The following BRWD3 variants were observed in gnomAD, a reference collection of about 807,000 sequenced individuals.
The protein encoded by BRWD3 is bromodomain and WD repeat domain containing 3, also known as bromodomain and WD repeat-containing protein 3.
Under a neutral mutation model 149.7 loss-of-function variants are expected in BRWD3, and 10 were observed. That is an observed-to-expected ratio of 0.07 (90% confidence interval 0.04 to 0.11). The LOEUF (loss-of-function observed/expected upper bound fraction) is 0.11. BRWD3 is among the 10% of genes least tolerant of loss of function. The pLI, the probability that BRWD3 is intolerant of heterozygous loss-of-function variation, is 1.00. For missense variants in BRWD3, 940 were observed against 1,373.2 expected, an observed-to-expected ratio of 0.68 and a Z score of 4.99; for synonymous variants, 504 against 456.7, an observed-to-expected ratio of 1.10 and a Z score of -1.32.
At chrX:80,686,368 G>A (rs995182668) in intron 35 of BRWD3, among the ~76,000 whole-genome samples, 6 of 108,446 alleles carry the variant, frequency 5.5e-5, no homozygotes, top group Middle Eastern at 9.6e-3. Context: ...ATATGTATAC[G>A]TATGTAACAA....
intron 20 of BRWD3, among the ~76,000 whole-genome samples, chrX:80,712,473 T>C (rs2072989708): frequency 9.1e-6 from 1 of 110,409 alleles, no homozygotes; most frequent in African/African-American, 3.3e-5. Flanking sequence ...CAGGCTGGAG[T>C]GCAGTGGCGT....
At chrX:80,790,633 GA>G (rs907750667) in intron 6 of BRWD3, among the ~76,000 whole-genome samples, 7 of 108,403 alleles carry the variant, frequency 6.5e-5, no homozygotes, top group African/African-American at 1.3e-4. Flanking sequence ...TTAGTTAAAA[GA>G]AAAAAAAAGC....
At chrX:80,771,547 T>C (rs759673084) in intron 6 of BRWD3, among the ~76,000 whole-genome samples, 1 of 111,680 alleles carries the variant, frequency 9.0e-6, no homozygotes, top group Non-Finnish European at 1.9e-5. Context: ...TGGCTAGCCA[T>C]ATGTAGAAAG....
intron 21 of BRWD3, among the ~76,000 whole-genome samples, chrX:80,708,394 CT>C (rs749740989): frequency 0.044 from 2,343 of 53,324 alleles, 59 homozygotes; most frequent in African/African-American, 0.12. Flanking sequence ...AGACTCTTGT[CT>C]TTTTTTTTTT....
In BRWD3 at chrX:80,676,324, TTG is replaced by T. The variant is rs1350816832; in HGVS notation, c.*283_*284del. 4 of 322,214 alleles carry T rather than the reference TTG, an allele frequency of 1.2e-5. No homozygotes were observed. Among genetic ancestry groups the T allele is most frequent in the East Asian group, 4.9e-5 (1 of 20,477 alleles). 26.6% of individuals were successfully genotyped at this position (322,214 alleles called of 1,213,427 possible). ...ATGTAGTAAATCTGTAGTGTCTGTGTTGTGTTTCGTGTGTGTGTGTCTGTGTG... is the reference window on the plus strand; with the variant it reads ...ATGTAGTAAATCTGTAGTGTCTGTGTTGTTTCGTGTGTGTGTGTCTGTGTG... On this transcript the variant is annotated 3_prime_UTR_variant, in exon 41 of 41. Transcript: ENST00000373275.
chrX:80,717,622 C>A lies in BRWD3; in HGVS notation c.2182G>T (p.Ala728Ser), dbSNP rs1363802076. 2.5e-6 allele frequency: 3 copies of A among 1,211,728 alleles called. No homozygotes were observed. The highest frequency in any genetic ancestry group is 1.8e-5 in the South Asian group (1 of 57,016). Reference protein sequence around the residue: ...SQMATERDLMAWSRRVVVNEL... With the variant: ...SQMATERDLMSWSRRVVVNEL... ...TTGACCACCACTCTTCTGCTCCACG[C>A]CATGAGATCTCTTTCAGTGGCCATC... Residue 728 changes from alanine (A) to serine (S), a missense_variant, in exon 19 of 41, where the codon GCG becomes TCG. Ala to Ser is a moderately conservative substitution (Grantham distance 99, BLOSUM62 1). Around this residue, in one of 6 missense-constraint regions of BRWD3, gnomAD observed 103 missense variants for 103.2 expected, o/e 1.00. Transcript: ENST00000373275.
chrX:80,726,013 T>C (rs1309705092), intron 14 of BRWD3, among the ~76,000 whole-genome samples: 1 of 109,160 alleles, frequency 9.2e-6, no homozygotes, highest in Non-Finnish European at 1.9e-5. Context: ...TTACATGTTA[T>C]ATGTCTATAT....
chrX:80,794,526 A>T (rs1016411268), intron 4 of BRWD3, among the ~76,000 whole-genome samples: 8 of 109,080 alleles, frequency 7.3e-5, no homozygotes, highest in South Asian at 7.7e-4. Flanking sequence ...AATAAATAAA[A>T]AAATATATAT....
intron 10 of BRWD3, among the ~76,000 whole-genome samples, chrX:80,734,878 AG>A (rs1339844359): frequency 9.1e-6 from 1 of 110,117 alleles, no homozygotes; most frequent in African/African-American, 3.3e-5. Flanking sequence ...TATTTAGAGT[AG>A]GGGGTCTGTT....
intron 25 of BRWD3, among the ~76,000 whole-genome samples, chrX:80,698,470 AG>A (rs2072733791): frequency 9.0e-6 from 1 of 111,291 alleles, no homozygotes; most frequent in African/African-American, 3.3e-5. Context: ...GCACTTTTGG[AG>A]GCCAAGTCGG....
At chrX:80,716,006 A>G (rs1317599771) in intron 20 of BRWD3, 151 bp downstream of exon 20, 3 of 439,673 alleles carry the variant, frequency 6.8e-6, no homozygotes, top group Non-Finnish European at 7.9e-6. Context: ...TAATAATCAT[A>G]TATCTCAATT....
At chrX:80,742,833 A>G (rs1215263442) in intron 8 of BRWD3, among the ~76,000 whole-genome samples, 1 of 111,644 alleles carries the variant, frequency 9.0e-6, no homozygotes, top group African/African-American at 3.3e-5. Flanking sequence ...CAATCATGTC[A>G]TCTGCAAACA....
Position 80,677,354 on chromosome X carries a change from A to G in BRWD3, c.4664T>C (p.Leu1555Pro). 1 of 1,199,296 alleles carries G rather than the reference A, an allele frequency of 8.3e-7. No individual in the cohort carries two copies. Among genetic ancestry groups the G allele is most frequent in the Non-Finnish European group, 1.1e-6 (1 of 889,356 alleles). The change falls in exon 41 of 41, where the codon CTT (leucine) becomes CCT (proline). Residue 1555 changes from leucine (L) to proline (P), a missense_variant. By Grantham distance (98) the Leu-to-Pro change is moderately conservative. Coordinates refer to ENST00000373275, the MANE Select transcript of BRWD3 (RefSeq NM_153252.5). ...ATCACCATTTGTAAGGGGTCCATCA[A>G]GGGAGTGATCTAAATTAAAATGAAT... Reference protein sequence around the residue: ...RVLPVKQDHSLDGPLTNGDGR... With the variant: ...RVLPVKQDHSPDGPLTNGDGR...
Position 80,739,354 on chromosome X carries a change from A to G in BRWD3, c.814-3266T>C, listed in dbSNP as rs767281588. On this transcript the variant is annotated intron_variant, in intron 8 of 40. Transcript: ENST00000373275. ...GAAAAAATAGTTCAATAATGAATAT[A>G]ATGAGTTTGAAATACCTAGTAGACA... 8.0e-5 allele frequency among the ~76,000 whole-genome samples: 9 copies of G among 111,908 alleles called. No homozygotes were observed. In the South Asian group the frequency reaches 2.6e-3, roughly 33 times the overall value.
At chrX:80,770,181 A>C (rs943954781) in intron 6 of BRWD3, among the ~76,000 whole-genome samples, 1 of 111,701 alleles carries the variant, frequency 9.0e-6, no homozygotes, top group African/African-American at 3.3e-5. Flanking sequence ...TACTAAGAGG[A>C]GCTGGTACCA....
At chrX:80,773,442 C>T (rs1462144623) in intron 6 of BRWD3, among the ~76,000 whole-genome samples, 1 of 111,565 alleles carries the variant, frequency 9.0e-6, no homozygotes, top group Non-Finnish European at 1.9e-5. Flanking sequence ...TTCTCAATCA[C>T]GTCAGCTAAA....
At position 80,685,554 on chromosome X, in the gene BRWD3, A is replaced by G; in HGVS notation, c.4006-18T>C. ...TGATGACCCTATTAGGGTGAAGAAC[A>G]TATACTGGTTTCCAGACAACTATAA... is the stretch of plus-strand genomic sequence containing the variant. On this transcript the variant is annotated intron_variant, in intron 35 of 40. Coordinates refer to ENST00000373275, the MANE Select transcript of BRWD3 (RefSeq NM_153252.5). 8.7e-7 allele frequency: 1 copy of G among 1,148,204 alleles called. No individual in the cohort carries two copies. 94.6% of individuals were successfully genotyped at this position (1,148,204 alleles called of 1,213,427 possible).
At chrX:80,786,574 G>A (rs758004353) in intron 6 of BRWD3, among the ~76,000 whole-genome samples, 1 of 110,640 alleles carries the variant, frequency 9.0e-6, no homozygotes, top group Admixed American at 9.7e-5. Context: ...GCAGTCAGTC[G>A]TGCAATTTTG....
intron 6 of BRWD3, among the ~76,000 whole-genome samples, chrX:80,786,385 G>T (rs2074107409): frequency 9.0e-6 from 1 of 110,686 alleles, no homozygotes; most frequent in South Asian, 3.8e-4. Flanking sequence ...TATGCATAGT[G>T]GCAAGAGAAG....
Sources: gnomAD v4.1 joint callset for allele counts (sites outside exome capture counted in the v4.1 genomes callset) on GRCh38, gnomAD v4.1.1 for gene constraint, gnomAD v4.1.1 regional missense constraint, MANE v1.5 for transcripts, NCBI Gene and HGNC (gene_info 2026-07-23, HGNC 2026-07-21) for gene names.